PSMC4: variants seen among roughly 807,000 people sequenced by gnomAD.
The protein encoded by PSMC4 is proteasome 26S subunit, ATPase 4.
In PSMC4, 13 loss-of-function variants were observed where a neutral mutation model predicts 48.4. That is an observed-to-expected ratio of 0.27 (90% CI 0.18 to 0.43). PSMC4 has a LOEUF of 0.43. Among genes scored for constraint, PSMC4 ranks in the 20% least tolerant of loss-of-function variants. The pLI, the probability that PSMC4 is intolerant of heterozygous loss-of-function variation, is 1.00. For synonymous variants in PSMC4, 202 were observed against 212.3 expected (o/e 0.95, Z 0.42); for missense variants, 262 against 555.9 (o/e 0.47, Z 5.32).
In PSMC4 at chr19:39,980,453, C is replaced by T; in HGVS notation, c.1086C>T (p.Asp362=). ...MNLSEEVDLE[D]YVARPDKISG... Reference sequence around the variant, plus strand: ...TCTCTGAGGAGGTTGACTTGGAAGACTGTATCCTGCTCCAGAAGTCAGGGA... The same window carrying T: ...TCTCTGAGGAGGTTGACTTGGAAGATTGTATCCTGCTCCAGAAGTCAGGGA... Residue 362 remains aspartate, a splice_region_variant and synonymous_variant, in exon 9 of 11, where the codon GAC becomes GAT. Transcript: ENST00000157812. The surrounding 1 kb of genome is among the most constrained non-coding windows in gnomAD (Gnocchi z 4.8). 1 of 1,613,928 alleles carries T rather than the reference C, an allele frequency of 6.2e-7. No individual in the cohort carries two copies. Among genetic ancestry groups the T allele is most frequent in the South Asian group, 1.1e-5 (1 of 91,078 alleles).
At chr19:39,972,291 A>G (rs1015367697) in intron 2 of PSMC4, 47 bp downstream of exon 2, 14 of 1,589,822 alleles carry the variant, frequency 8.8e-6, no homozygotes, top group Non-Finnish European at 1.1e-5. Context: ...CTGACATCTC[A>G]TACTCTTCCC....
Position 39,977,148 on chromosome 19 carries a change from C to T in PSMC4, c.673+2320C>T, listed in dbSNP as rs181746097. Among the ~76,000 whole-genome samples, 1,011 of 151,930 alleles carry T rather than the reference C, an allele frequency of 6.7e-3. 4 individuals carry two copies. Among genetic ancestry groups the T allele is most frequent in the Non-Finnish European group, 0.012 (790 of 67,936 alleles). On this transcript the variant is annotated intron_variant, in intron 6 of 10. Transcript: ENST00000157812. ...GATTACAGGCGTGAGCCACTGCACCCGGCTGTGATTTTTTTTTTTAAGCTC... is the reference window on the plus strand; with the variant it reads ...GATTACAGGCGTGAGCCACTGCACCTGGCTGTGATTTTTTTTTTTAAGCTC...
At position 39,971,186 on chromosome 19, in the gene PSMC4, A is replaced by C; in HGVS notation, c.-17A>C. On this transcript the variant is annotated 5_prime_UTR_variant, in exon 1 of 11. Coordinates refer to ENST00000157812, the MANE Select transcript of PSMC4 (RefSeq NM_006503.4). ...TGACAGATCATCCCAGGCCACACAG[A>C]GGCCGGCTTGGTCACTATGGAGGAG... is the stretch of plus-strand genomic sequence containing the variant. The C allele has an allele frequency of 6.2e-7, 1 of 1,613,854 alleles. No individual in the cohort carries two copies. Among genetic ancestry groups the C allele is most frequent in the Non-Finnish European group, 8.5e-7 (1 of 1,179,838 alleles).
Position 39,981,460 on chromosome 19 carries a change from G to C in PSMC4, c.*155G>C. On this transcript the variant is annotated 3_prime_UTR_variant, in exon 11 of 11. Coordinates refer to ENST00000157812, the MANE Select transcript of PSMC4 (RefSeq NM_006503.4). ...GAATCCATTTAATTTCTTCTTAGAAGTTTAACTCCTTTGGAGAATGTGGGC... is the reference window on the plus strand; with the variant it reads ...GAATCCATTTAATTTCTTCTTAGAACTTTAACTCCTTTGGAGAATGTGGGC... 1 of 596,508 alleles carries C rather than the reference G, an allele frequency of 1.7e-6. No individual in the cohort carries two copies. Among genetic ancestry groups the C allele is most frequent in the Non-Finnish European group, 3.0e-6 (1 of 334,194 alleles). The allele number at this position is 596,508 out of a possible 1,614,324, so 37.0% of individuals were successfully genotyped here. A position where few individuals can be genotyped will look rare whatever the true frequency, so the allele number is the denominator to read the frequency against.
Position 39,971,225 on chromosome 19 carries a change from TGGA to T in PSMC4, c.25_27del (p.Glu9del). On this transcript the variant is annotated inframe_deletion, in exon 1 of 11. Coordinates refer to ENST00000157812, the MANE Select transcript of PSMC4 (RefSeq NM_006503.4). ...ACTATGGAGGAGATAGGCATCTTGG[TGGA>T]GAAGGCTCAGGTACAGTGGGGACTT... 1.2e-6 allele frequency: 2 copies of T among 1,614,062 alleles called. No individual in the cohort carries two copies. The highest frequency in any genetic ancestry group is 1.1e-5 in the South Asian group (1 of 91,066).
Position 39,974,468 on chromosome 19 carries a change from G to T in PSMC4, c.469+28G>T. 1.9e-6 allele frequency: 3 copies of T among 1,613,442 alleles called. No homozygotes were observed. Among genetic ancestry groups the T allele is most frequent in the Non-Finnish European group, 2.5e-6 (3 of 1,179,562 alleles). ...AAAGGGGGAGCCTGCAGCTGGGAGG[G>T]CCCCATGGGGACCTTGAGGACCTGG... is the stretch of plus-strand genomic sequence containing the variant. On this transcript the variant is annotated intron_variant, in intron 4 of 10. Transcript: ENST00000157812. This position sits in a 1 kb window ranked among gnomAD's most constrained non-coding sequence, Gnocchi z 5.5.
chr19:39,979,237 T>C (rs1971252660), intron 6 of PSMC4, among the ~76,000 whole-genome samples: 1 of 152,106 alleles, frequency 6.6e-6, no homozygotes, highest in Non-Finnish European at 1.5e-5. Context: ...TAGTATTTCA[T>C]ATCCTGATTT....
chr19:39,975,191 G>T (rs943135993), intron 6 of PSMC4, among the ~76,000 whole-genome samples: 5 of 152,086 alleles, frequency 3.3e-5, no homozygotes, highest in African/African-American at 1.2e-4. Flanking sequence ...AGTATATATG[G>T]TGCAAGTTCA....
intron 6 of PSMC4, among the ~76,000 whole-genome samples, chr19:39,976,179 G>T (rs1971194183): frequency 6.6e-6 from 1 of 150,824 alleles, no homozygotes; most frequent in African/African-American, 2.4e-5. Context: ...GGAGCTTGCA[G>T]TGAGCCCAGA....
rs759416206 is a variant in PSMC4 at position 39,981,709 on chromosome 19, C to T, written c.*404C>T. Among the ~76,000 whole-genome samples the T allele has an allele frequency of 6.6e-6, 1 of 152,048 alleles. No homozygotes were observed. The highest frequency in any genetic ancestry group is 2.1e-4 in the South Asian group (1 of 4,824). ...TAAAAGACAGTAAAGAAATTCAGGTCACAGGCCTTGGGAGTTCATAGGAAG... is the reference window on the plus strand; with the variant it reads ...TAAAAGACAGTAAAGAAATTCAGGTTACAGGCCTTGGGAGTTCATAGGAAG... On this transcript the variant is annotated 3_prime_UTR_variant, in exon 11 of 11. Coordinates refer to ENST00000157812, the MANE Select transcript of PSMC4 (RefSeq NM_006503.4).
At chr19:39,975,856 C>T (rs974453994) in intron 6 of PSMC4, among the ~76,000 whole-genome samples, 2 of 152,136 alleles carry the variant, frequency 1.3e-5, no homozygotes, top group African/African-American at 4.8e-5. Context: ...TCAGAGATGT[C>T]CCTTGCCTTG....
rs770972078 is a variant in PSMC4 at position 39,974,304 on chromosome 19, T to C, written c.333T>C (p.Tyr111=). The C allele has an allele frequency of 6.2e-7, 1 of 1,614,106 alleles. No homozygotes were observed. Among genetic ancestry groups the C allele is most frequent in the Non-Finnish European group, 8.5e-7 (1 of 1,180,014 alleles). The change falls in exon 4 of 11, where the codon TAT becomes TAC. Residue 111 remains tyrosine, a synonymous_variant. Transcript: ENST00000157812. This position sits in a 1 kb window ranked among gnomAD's most constrained non-coding sequence, Gnocchi z 5.5. ...TCTCCCTTCTCGCAGGCTCCAACTA[T>C]TATGTGCGCATCCTGAGCACCATCG... ...AIVGSTTGSN[Y]YVRILSTIDR... is the part of the protein sequence containing the mutation.
rs1166232319 is a variant in PSMC4 at position 39,974,521 on chromosome 19, C to T, written c.470-3C>T. 9 of 1,613,998 alleles carry T rather than the reference C, an allele frequency of 5.6e-6. No homozygotes were observed. Among genetic ancestry groups the T allele is most frequent in the Non-Finnish European group, 7.6e-6 (9 of 1,179,904 alleles). ...AGGAGCCCCAGCTCTGCTCTCCCACCAGACCAGAAGCCAGATGTGATGTAC... is the reference window on the plus strand; with the variant it reads ...AGGAGCCCCAGCTCTGCTCTCCCACTAGACCAGAAGCCAGATGTGATGTAC... On this transcript the variant is annotated splice_polypyrimidine_tract_variant and splice_region_variant and intron_variant, in intron 4 of 10. Transcript: ENST00000157812. This position sits in a 1 kb window ranked among gnomAD's most constrained non-coding sequence, Gnocchi z 5.5.
intron 3 of PSMC4, among the ~76,000 whole-genome samples, chr19:39,973,113 A>C (rs563658414): frequency 2.0e-5 from 3 of 152,228 alleles, no homozygotes; most frequent in African/African-American, 7.2e-5. Context: ...TGTGTAAAAC[A>C]TAAGTTTCAC....
intron 10 of PSMC4, 34 bp from the exon 11 acceptor site, chr19:39,981,158 C>T: frequency 6.5e-7 from 1 of 1,548,760 alleles, no homozygotes; most frequent in Non-Finnish European, 8.9e-7. Flanking sequence ...TGCCCTGCCA[C>T]AGGAAGTAGA....
chr19:39,979,628 G>A (rs1299407530), intron 6 of PSMC4, 189 bp from the exon 7 acceptor site: 2 of 438,956 alleles, frequency 4.6e-6, no homozygotes, highest in Admixed American at 8.7e-5. Flanking sequence ...GTCACTGTGG[G>A]GTACAAGTAG....
chr19:39,978,314 G>A (rs1374165282), intron 6 of PSMC4, among the ~76,000 whole-genome samples: 4 of 152,114 alleles, frequency 2.6e-5, no homozygotes, highest in Admixed American at 6.6e-5. Flanking sequence ...AAAGGCTGAC[G>A]GACAGGCTCG....
chr19:39,976,401 C>CAAAA (rs757355957), intron 6 of PSMC4, among the ~76,000 whole-genome samples: 8 of 45,154 alleles, frequency 1.8e-4, no homozygotes, highest in South Asian at 7.7e-4. Context: ...GACTCCGTCT[C>CAAAA]AAAAAAAAAA....
At position 39,974,840 on chromosome 19, in the gene PSMC4, C is replaced by T. The variant is rs772141459; in HGVS notation, c.673+12C>T. On this transcript the variant is annotated intron_variant, in intron 6 of 10. Transcript: ENST00000157812. This position sits in a 1 kb window ranked among gnomAD's most constrained non-coding sequence, Gnocchi z 5.5. ...ACATCACACAACAGGTGAGCCCTTT[C>T]GCCCCTGCCCCGAGCTCTCATCTTC... 1.1e-4 allele frequency: 184 copies of T among 1,608,014 alleles called. 1 individual carries two copies. The highest frequency in any genetic ancestry group is 4.5e-4 in the South Asian group (41 of 90,982).
Sources: allele counts gnomAD v4.1 joint callset (sites outside exome capture counted in the v4.1 genomes callset), GRCh38; gene constraint gnomAD v4.1.1; non-coding constraint Gnocchi (gnomAD v3.1); transcripts MANE v1.5; gene names NCBI Gene and HGNC (gene_info 2026-07-23, HGNC 2026-07-21).